Variants in PDE1A observed in about 807,000 individuals in gnomAD.
PDE1A encodes the protein dual specificity calcium/calmodulin-dependent 3',5'-cyclic nucleotide phosphodiesterase 1A.
A neutral mutation model predicts 61.7 loss-of-function variants in PDE1A; 35 were observed. The observed-to-expected ratio is 0.57, with a 90% confidence interval of 0.43 to 0.75. The LOEUF (loss-of-function observed/expected upper bound fraction) is 0.75. PDE1A is among the 30% of genes least tolerant of loss of function. The pLI, the probability that PDE1A is intolerant of heterozygous loss-of-function variation, is 0.00. For synonymous variants in PDE1A, 232 were observed against 213.2 expected (o/e 1.09, Z -0.77); for missense variants, 597 against 630.6 (o/e 0.95, Z 0.57).
the PDE1A span, among the ~76,000 whole-genome samples, chr2:182,667,210 T>C: frequency 6.6e-6 from 1 of 152,230 alleles, no homozygotes; most frequent in Non-Finnish European, 1.5e-5. Flanking sequence ...CTCATCATTT[T>C]CATTTCTGGT....
At chr2:182,382,061 A>C (rs1700769135) in intron 1 of PDE1A, among the ~76,000 whole-genome samples, 1 of 152,134 alleles carries the variant, frequency 6.6e-6, no homozygotes, top group African/African-American at 2.4e-5. Flanking sequence ...TGGTAGGTAG[A>C]CTTCTAGGAA....
chr2:182,311,278 TC>T (rs1695951744), intron 1 of PDE1A, among the ~76,000 whole-genome samples: 1 of 152,218 alleles, frequency 6.6e-6, no homozygotes, highest in Non-Finnish European at 1.5e-5. Context: ...CTTCAGCATG[TC>T]CCAGTTTTCT....
At chr2:182,313,696 G>C (rs1389758864) in intron 1 of PDE1A, among the ~76,000 whole-genome samples, 1 of 152,150 alleles carries the variant, frequency 6.6e-6, no homozygotes, top group Admixed American at 6.5e-5. Context: ...GAAGTGTGTG[G>C]CTTCTACAAA....
At chr2:182,431,121 T>TAAA (rs538631665), upstream of PDE1A, among the ~76,000 whole-genome samples, 22 of 121,516 alleles carry the variant, frequency 1.8e-4, no homozygotes, top group African/African-American at 6.4e-4. Flanking sequence ...AAAAAAACAT[T>TAAA]AAAAAAAAAA....
the PDE1A span, among the ~76,000 whole-genome samples, chr2:182,691,147 A>G: frequency 1.1e-4 from 16 of 152,208 alleles, no homozygotes; most frequent in Non-Finnish European, 2.2e-4. Context: ...TCAAGCTACC[A>G]ATGACTTTCT....
intron 1 of PDE1A, among the ~76,000 whole-genome samples, chr2:182,373,790 A>T (rs1337050376): frequency 6.6e-6 from 1 of 152,212 alleles, no homozygotes; most frequent in Non-Finnish European, 1.5e-5. Flanking sequence ...GGGACAGATT[A>T]AAAATACATG....
At chr2:182,236,923 T>C (rs770868106) in intron 3 of PDE1A, among the ~76,000 whole-genome samples, 2 of 152,220 alleles carry the variant, frequency 1.3e-5, no homozygotes, top group Non-Finnish European at 2.9e-5. Flanking sequence ...TTTCTAATTC[T>C]ATAATCAGGA....
chr2:182,464,566 C>A (rs2125780257), intron 2 of PDE1A, among the ~76,000 whole-genome samples: 1 of 151,928 alleles, frequency 6.6e-6, no homozygotes, highest in African/African-American at 2.4e-5. Flanking sequence ...CAAAGAAAAA[C>A]CAGAGCTGGA....
chr2:182,557,684 C>T, the PDE1A span, among the ~76,000 whole-genome samples: 4 of 151,804 alleles, frequency 2.6e-5, no homozygotes, highest in African/African-American at 9.7e-5. Flanking sequence ...TGCACTCTAG[C>T]CTAGGCAACA....
intron 13 of PDE1A, among the ~76,000 whole-genome samples, chr2:182,183,488 T>C (rs1684939801): frequency 6.6e-6 from 1 of 152,082 alleles, no homozygotes; most frequent in Non-Finnish European, 1.5e-5. Context: ...CAACTTGGAA[T>C]GGGAAGGCAG....
chr2:182,361,348 C>T (rs1699495890), intron 1 of PDE1A, among the ~76,000 whole-genome samples: 1 of 152,056 alleles, frequency 6.6e-6, no homozygotes, highest in African/African-American at 2.4e-5. Flanking sequence ...TCTCTAAACA[C>T]CTAAGTATCA....
intron 1 of PDE1A, among the ~76,000 whole-genome samples, chr2:182,331,420 T>A (rs1480759127): frequency 6.6e-6 from 1 of 152,220 alleles, no homozygotes; most frequent in Non-Finnish European, 1.5e-5. Context: ...TGCCTAATAG[T>A]TGACGCAGTT....
intron 1 of PDE1A, among the ~76,000 whole-genome samples, chr2:182,347,428 T>C (rs985260229): frequency 6.6e-6 from 1 of 152,168 alleles, no homozygotes; most frequent in Non-Finnish European, 1.5e-5. Flanking sequence ...GTATAACTCA[T>C]ATATTCAGTC....
downstream of PDE1A, chr2:182,142,123 A>AAC (rs59139983): frequency 0.37 from 53,606 of 146,102 alleles, 10,816 homozygotes; most frequent in Non-Finnish European, 0.47. Context: ...GACATTTTTG[A>AAC]ACACACACAC....
intron 1 of PDE1A, among the ~76,000 whole-genome samples, chr2:182,306,170 T>C (rs546961879): frequency 1.3e-5 from 2 of 152,262 alleles, no homozygotes; most frequent in South Asian, 4.1e-4. Flanking sequence ...CTTAGCATAA[T>C]GCTCTCCAGG....
At chr2:182,467,233 T>C (rs1200952649) in intron 2 of PDE1A, among the ~76,000 whole-genome samples, 1 of 151,742 alleles carries the variant, frequency 6.6e-6, no homozygotes, top group East Asian at 1.9e-4. Flanking sequence ...TCACTACAGA[T>C]TTTATGGACA....
the PDE1A span, among the ~76,000 whole-genome samples, chr2:182,613,739 T>C: frequency 6.6e-6 from 1 of 152,176 alleles, no homozygotes; most frequent in Non-Finnish European, 1.5e-5. Flanking sequence ...TCAACACTTA[T>C]TAGCTGTTCA....
At chr2:182,197,892 CTT>C (rs761488886) in intron 10 of PDE1A, among the ~76,000 whole-genome samples, 1 of 151,878 alleles carries the variant, frequency 6.6e-6, no homozygotes, top group Non-Finnish European at 1.5e-5. Context: ...GCCTTAGACT[CTT>C]ATATTTCTAT....
chr2:182,546,364 T>G, the PDE1A span, among the ~76,000 whole-genome samples: 6,507 of 152,004 alleles, frequency 0.043, 198 homozygotes, highest in Middle Eastern at 0.071. Flanking sequence ...ACTGGATGGA[T>G]GTACCCCAAG....
Sources: allele counts gnomAD v4.1 joint callset (sites outside exome capture counted in the v4.1 genomes callset), GRCh38; gene constraint gnomAD v4.1.1; transcripts MANE v1.5; gene names NCBI Gene and HGNC (gene_info 2026-07-23, HGNC 2026-07-21).